FBXL13: variants seen among roughly 807,000 people sequenced by gnomAD.
FBXL13 encodes the protein F-box and leucine rich repeat protein 13.
FBXL13 carries 67 observed loss-of-function variants against 83.6 expected under a neutral mutation model. The ratio of observed to expected loss-of-function variants is 0.80; its 90% CI spans 0.66 to 0.98. FBXL13 has a LOEUF of 0.98. Among genes scored for constraint, FBXL13 ranks in the 50% least tolerant of loss-of-function variants. The pLI is 0.00. For synonymous variants in FBXL13, 272 were observed against 299.5 expected (o/e 0.91, Z 0.95); for missense variants, 822 against 866.5 (o/e 0.95, Z 0.64).
intron 11 of FBXL13, among the ~76,000 whole-genome samples, chr7:102,892,618 C>T (rs1811675521): frequency 6.6e-6 from 1 of 152,076 alleles, no homozygotes; most frequent in African/African-American, 2.4e-5. Context: ...CACTAGAACT[C>T]CTCCTTATTA....
At chr7:102,879,021 C>T (rs569882158) in intron 14 of FBXL13, among the ~76,000 whole-genome samples, 1 of 152,202 alleles carries the variant, frequency 6.6e-6, no homozygotes, top group Non-Finnish European at 1.5e-5. Flanking sequence ...TGCCATAACC[C>T]TACCATGTTG....
At chr7:103,020,771 T>C (rs1793064313) in intron 6 of FBXL13, among the ~76,000 whole-genome samples, 1 of 152,174 alleles carries the variant, frequency 6.6e-6, no homozygotes, top group Non-Finnish European at 1.5e-5. Context: ...GAATCCAACT[T>C]ACAAGAAATG....
At chr7:102,967,940 T>C in intron 7 of FBXL13, 82 bp downstream of exon 8, 4 of 999,630 alleles carry the variant, frequency 4.0e-6, no homozygotes, top group Non-Finnish European at 6.1e-6. Context: ...GAAGAAGGTG[T>C]CCCCACAACA....
intron 17 of FBXL13, among the ~76,000 whole-genome samples, chr7:102,852,236 C>G (rs1805369548): frequency 6.6e-6 from 1 of 152,036 alleles, no homozygotes; most frequent in African/African-American, 2.4e-5. Context: ...TAACTAAGAG[C>G]CTGGAGGTGA....
At chr7:102,987,210 C>G (rs920548342) in intron 6 of FBXL13, among the ~76,000 whole-genome samples, 2 of 152,082 alleles carry the variant, frequency 1.3e-5, no homozygotes, top group African/African-American at 2.4e-5. Flanking sequence ...GTACACTATT[C>G]AGGTGACAGG....
At chr7:102,911,654 A>G (rs1156806995) in intron 11 of FBXL13, among the ~76,000 whole-genome samples, 1 of 152,214 alleles carries the variant, frequency 6.6e-6, no homozygotes, top group Non-Finnish European at 1.5e-5. Flanking sequence ...TTTGTTAAAA[A>G]GACATCTCAA....
At position 103,022,622 on chromosome 7, in the gene FBXL13, C is replaced by T. The variant is rs144775597; in HGVS notation, c.495+2441G>A. Among the ~76,000 whole-genome samples, 731 of 152,176 alleles carry T rather than the reference C, an allele frequency of 4.8e-3. 6 individuals are homozygous for T. The highest frequency in any genetic ancestry group is 0.017 in the African/African-American group (689 of 41,530). ...ATACTGGGATAACTGGCTAGCCACA[C>T]GCGGAATATTGAAACTGGACCACTT... is the stretch of plus-strand genomic sequence containing the variant. On this transcript the variant is annotated intron_variant, in intron 6 of 19. Transcript: ENST00000313221.
exon 15 of FBXL13, chr7:102,878,428 G>C (rs750637777): frequency 6.2e-7 from 1 of 1,605,246 alleles, no homozygotes; most frequent in East Asian, 2.3e-5. Context: ...TCAAGAAATT[G>C]CTTTAGTCCC....
intron 17 of FBXL13, among the ~76,000 whole-genome samples, chr7:102,841,933 ACCAGATAT>A (rs1803009125): frequency 6.6e-6 from 1 of 152,144 alleles, no homozygotes; most frequent in South Asian, 2.1e-4. Flanking sequence ...TCCACAAGCT[ACCAGATAT>A]CCCCACTACC....
At chr7:102,937,049 CT>C (rs993075196) in intron 8 of FBXL13, among the ~76,000 whole-genome samples, 68 of 152,252 alleles carry the variant, frequency 4.5e-4, no homozygotes, top group African/African-American at 1.5e-3. Flanking sequence ...TTCATACCCC[CT>C]GCTTTAAAAA....
chr7:102,874,810 G>T (rs112655735), intron 16 of FBXL13, among the ~76,000 whole-genome samples: 5 of 152,080 alleles, frequency 3.3e-5, no homozygotes, highest in African/African-American at 1.2e-4. Context: ...CAAGTGACCC[G>T]CCTGCCTCAG....
chr7:103,046,922 A>G (rs1037966832), intron 2 of FBXL13: 1 of 152,234 alleles, frequency 6.6e-6, no homozygotes, highest in African/African-American at 2.4e-5. Context: ...GTGGATGGCA[A>G]GCACAGTCTT....
chr7:102,868,080 C>T (rs761089317), intron 16 of FBXL13, among the ~76,000 whole-genome samples: 1 of 152,148 alleles, frequency 6.6e-6, no homozygotes, highest in African/African-American at 2.4e-5. Context: ...TGTTTCAACA[C>T]ATGTAGACAT....
chr7:102,819,479 T>C (rs1180643056), intron 19 of FBXL13, among the ~76,000 whole-genome samples: 1 of 152,098 alleles, frequency 6.6e-6, no homozygotes, highest in Non-Finnish European at 1.5e-5. Flanking sequence ...TCAGAAAGGG[T>C]GAGCTGAGCA....
intron 6 of FBXL13, chr7:102,973,775 A>G (rs1827064332): frequency 1.3e-6 from 1 of 762,966 alleles, no homozygotes; most frequent in South Asian, 1.3e-5. Flanking sequence ...CCTACTGGTA[A>G]GTTTCCCGGG....
chr7:102,951,729 C>T (rs1419041377), intron 8 of FBXL13, among the ~76,000 whole-genome samples: 2 of 147,680 alleles, frequency 1.4e-5, no homozygotes, highest in Non-Finnish European at 3.0e-5. Flanking sequence ...CACTTAAGCC[C>T]AACAGGTTGA....
At position 102,963,386 on chromosome 7, in the gene FBXL13, T is replaced by C. The variant is rs142175515; in HGVS notation, c.724+147A>G. On this transcript the variant is annotated intron_variant, in intron 8 of 19. Transcript: ENST00000313221. ...ATGCAATACAGTAAGAGCTGCACTA[T>C]ATTATACACTTATTAAATGGTTATA... 1.4e-4 allele frequency: 131 copies of C among 910,270 alleles called. No homozygotes were observed. The African/African-American group carries it at 2.1e-3, about 15-fold the overall frequency. The allele number at this position is 910,270 out of a possible 1,614,324, so 56.4% of individuals were successfully genotyped here. A position where few individuals can be genotyped will look rare whatever the true frequency, so the allele number is the denominator to read the frequency against.
intron 6 of FBXL13, among the ~76,000 whole-genome samples, chr7:103,009,665 A>G (rs1791382703): frequency 6.6e-6 from 1 of 152,254 alleles, no homozygotes; most frequent in Non-Finnish European, 1.5e-5. Context: ...TAGAGGCTGC[A>G]GTAGCAGTAT....
intron 6 of FBXL13, among the ~76,000 whole-genome samples, chr7:102,990,067 G>C (rs1018582064): frequency 3.3e-5 from 5 of 152,180 alleles, no homozygotes; most frequent in Non-Finnish European, 7.3e-5. Flanking sequence ...AGATTTAAAA[G>C]GTTAAAGTTT....
Sources: allele counts gnomAD v4.1 joint callset (sites outside exome capture counted in the v4.1 genomes callset), GRCh38; gene constraint gnomAD v4.1.1; transcripts MANE v1.5; gene names NCBI Gene and HGNC (gene_info 2026-07-23, HGNC 2026-07-21).